The following CHST15 variants were observed in gnomAD, a reference collection of about 807,000 sequenced individuals.
The protein encoded by CHST15 is B cell RAG associated protein (GALNAC4S-6ST).
CHST15 carries 30 observed loss-of-function variants against 53.6 expected under a neutral mutation model. That is an observed-to-expected ratio of 0.56 (90% CI 0.42 to 0.76). CHST15 has a LOEUF of 0.76. Ranked by LOEUF, CHST15 falls within the 30% of genes least tolerant of loss-of-function variation. CHST15 has a pLI of 0.00. For missense variants in CHST15, 627 were observed against 740.5 expected (o/e 0.85, Z 1.78); for synonymous variants, 296 against 289.8 (o/e 1.02, Z -0.22).
intron 5 of CHST15, among the ~76,000 whole-genome samples, chr10:124,026,409 G>C (rs566610871): frequency 3.3e-5 from 5 of 152,324 alleles, no homozygotes; most frequent in South Asian, 4.1e-4. Context: ...ATAGGTTAAA[G>C]CCACTCAGAA....
intron 1 of CHST15, among the ~76,000 whole-genome samples, chr10:124,075,236 A>G (rs1341840279): frequency 6.6e-6 from 1 of 152,180 alleles, no homozygotes; most frequent in African/African-American, 2.4e-5. Context: ...GTGCATCCCC[A>G]CGGTGGGGAG....
At chr10:124,018,954 C>T (rs1258436518) in intron 6 of CHST15, among the ~76,000 whole-genome samples, 2 of 152,152 alleles carry the variant, frequency 1.3e-5, no homozygotes, top group Admixed American at 6.5e-5. Flanking sequence ...GATGGGGAAA[C>T]CCAGTCCGCG....
rs139922734 is a variant in CHST15, at chr10:124,014,030, C to T, written c.1348-1550G>A. On this transcript the variant is annotated intron_variant, in intron 6 of 7. Transcript: ENST00000435907. ...CCACAGCCAGCCCTGCTTAAAGCCT[C>T]CATGGCTTTCTATGTGTAGAAAGTC... Among the ~76,000 whole-genome samples the T allele has an allele frequency of 6.9e-3, 1,044 of 152,374 alleles. 10 individuals carry two copies. The highest frequency in any genetic ancestry group is 9.9e-3 in the Non-Finnish European group (673 of 68,032).
intron 5 of CHST15, among the ~76,000 whole-genome samples, chr10:124,035,684 T>G (rs1420642160): frequency 6.6e-6 from 1 of 152,228 alleles, no homozygotes; most frequent in Non-Finnish European, 1.5e-5. Flanking sequence ...ACATGTGGTG[T>G]TTTCCTTTGC....
rs1040869803 is a variant in CHST15, at chr10:124,020,778, G to A, written c.1347+478C>T. ...GCTAGAAATTTACAGACATAGTTCT[G>A]AAGGAAGAACAAGAGATACGATTGA... is the stretch of plus-strand genomic sequence containing the variant. On this transcript the variant is annotated intron_variant, in intron 6 of 7. Coordinates refer to ENST00000435907, the MANE Select transcript of CHST15 (RefSeq NM_001270764.2). The A allele has an allele frequency of 6.4e-6, 7 of 1,090,944 alleles. No homozygotes were observed. The African/African-American group carries it at 9.8e-5, about 15-fold the overall frequency. The allele number at this position is 1,090,944 out of a possible 1,614,324, so 67.6% of individuals were successfully genotyped here.
At chr10:124,056,683 G>C (rs192688090) in intron 1 of CHST15, among the ~76,000 whole-genome samples, 1 of 152,358 alleles carries the variant, frequency 6.6e-6, no homozygotes, top group East Asian at 1.9e-4. Context: ...GGCAGGCCCC[G>C]GTGCGCAGCC....
chr10:124,010,491 T>C (rs1351213015), intron 7 of CHST15, 152 bp from the exon 8 acceptor site: 14 of 1,409,356 alleles, frequency 9.9e-6, no homozygotes, highest in African/African-American at 1.5e-5. Flanking sequence ...TGGATCCATT[T>C]TGGAAGCACT....
At chr10:124,068,169 G>T (rs1564904302) in intron 1 of CHST15, among the ~76,000 whole-genome samples, 2 of 152,196 alleles carry the variant, frequency 1.3e-5, no homozygotes, top group East Asian at 3.8e-4. Context: ...AGGGGATGGT[G>T]AAGTCAGTCC....
At chr10:124,038,859 C>A (rs1317731176) in intron 4 of CHST15, among the ~76,000 whole-genome samples, 188 bp from the exon 5 acceptor site, 2 of 151,834 alleles carry the variant, frequency 1.3e-5, no homozygotes, top group African/African-American at 4.8e-5. Flanking sequence ...CCTGCCACAG[C>A]CACACCCCAC....
intron 6 of CHST15, among the ~76,000 whole-genome samples, chr10:124,016,064 G>A (rs1946575684): frequency 6.6e-6 from 1 of 152,192 alleles, no homozygotes. Context: ...AGTTCCCAGG[G>A]GCTGTGGCTG....
intron 6 of CHST15, among the ~76,000 whole-genome samples, chr10:124,013,894 C>T (rs1233866570): frequency 6.6e-6 from 1 of 152,238 alleles, no homozygotes; most frequent in Non-Finnish European, 1.5e-5. Flanking sequence ...TATGCCCCAT[C>T]TACACCTGCC....
intron 1 of CHST15, among the ~76,000 whole-genome samples, chr10:124,076,364 G>A (rs2134186037): frequency 6.6e-6 from 1 of 152,216 alleles, no homozygotes; most frequent in East Asian, 1.9e-4. Flanking sequence ...GATTCCCGAT[G>A]CGTGGAGACT....
chr10:124,014,981 C>T (rs1200106572), intron 6 of CHST15, among the ~76,000 whole-genome samples: 3 of 152,100 alleles, frequency 2.0e-5, no homozygotes, highest in East Asian at 1.9e-4. Context: ...GGGCTGCAGG[C>T]GGCAAAGGCC....
chr10:124,042,276 T>C, intron 4 of CHST15, 25 bp downstream of exon 4: 1 of 1,597,718 alleles, frequency 6.3e-7, no homozygotes, highest in Non-Finnish European at 8.6e-7. Flanking sequence ...GTGCTAGCCC[T>C]GCCAGAGTGA....
rs758783490 is a variant in CHST15 at position 124,042,429 on chromosome 10, T to C, written c.905A>G (p.Asp302Gly). The C allele has an allele frequency of 1.9e-6, 3 of 1,614,138 alleles. No individual in the cohort carries two copies. The highest frequency in any genetic ancestry group is 2.5e-6 in the Non-Finnish European group (3 of 1,179,998). The change falls in exon 4 of 8, where the codon GAT (aspartate) becomes GGT (glycine). Residue 302 changes from aspartate to glycine, a missense_variant. Asp to Gly is a moderately conservative substitution (Grantham distance 94). Coordinates refer to ENST00000435907, the MANE Select transcript of CHST15 (RefSeq NM_001270764.2). Reference protein sequence around the residue: ...RKRFGIVRLRDGLRDRYPVED... With the variant: ...RKRFGIVRLRGGLRDRYPVED... ...CACGGGATAGCGGTCTCGCAGCCCATCTCTTAGGCGGACGATTCCTATGAG... is the reference window on the plus strand; with the variant it reads ...CACGGGATAGCGGTCTCGCAGCCCACCTCTTAGGCGGACGATTCCTATGAG...
At chr10:124,030,700 C>T (rs1184582415) in intron 5 of CHST15, among the ~76,000 whole-genome samples, 2 of 152,226 alleles carry the variant, frequency 1.3e-5, no homozygotes, top group Admixed American at 6.5e-5. Context: ...GCATGACATT[C>T]CCAGTGCCAG....
At chr10:124,011,544 C>T (rs559499564) in intron 7 of CHST15, 133 of 985,464 alleles carry the variant, frequency 1.3e-4, no homozygotes, top group Non-Finnish European at 1.5e-4. Context: ...CTGCAGGAGG[C>T]GTTCTGGGAA....
intron 6 of CHST15, chr10:124,020,495 G>A (rs368218621): frequency 5.4e-5 from 53 of 985,556 alleles, no homozygotes; most frequent in Middle Eastern, 1.0e-3. Flanking sequence ...GTAAGAAAGA[G>A]GGGGCAGAGC....
intron 5 of CHST15, among the ~76,000 whole-genome samples, chr10:124,034,671 TACCCCCTAACAGGGACCCCGGCTCC>T (rs1315873457): frequency 0.069 from 4,561 of 65,722 alleles, 1,020 homozygotes; most frequent in East Asian, 0.16. Context: ...ACCCCGGCTC[TACCCCCTAACAGGGACCCCGGCTCC>T]ACCCCCTAAC....
Sources: allele counts gnomAD v4.1 joint callset (sites outside exome capture counted in the v4.1 genomes callset), GRCh38; gene constraint gnomAD v4.1.1; transcripts MANE v1.5; gene names NCBI Gene and HGNC (gene_info 2026-07-23, HGNC 2026-07-21).